WWOX: variants seen among roughly 807,000 people sequenced by gnomAD.
WWOX encodes the protein WW domain containing oxidoreductase.
WWOX carries 69 observed loss-of-function variants against 46.2 expected under a neutral mutation model. That is an observed-to-expected ratio of 1.49 (90% confidence interval 1.23 to 1.82). WWOX has a LOEUF of 1.82. Among genes scored for constraint, WWOX ranks in the 40% most tolerant of loss-of-function variants. The pLI is 0.00. For missense variants in WWOX, 919 were observed against 542.6 expected (o/e 1.69, Z -6.89); for synonymous variants, 359 against 202.6 (o/e 1.77, Z -6.56).
chr16:78,758,529 G>C (rs529410877), intron 8 of WWOX, among the ~76,000 whole-genome samples: 12 of 152,334 alleles, frequency 7.9e-5, no homozygotes, highest in Non-Finnish European at 1.5e-4. Flanking sequence ...TGCCAGTGTC[G>C]TAACGCCACT....
At chr16:79,164,601 G>C (rs544691531) in intron 8 of WWOX, among the ~76,000 whole-genome samples, 161 of 152,278 alleles carry the variant, frequency 1.1e-3, no homozygotes, top group Non-Finnish European at 1.8e-3. Context: ...ACCTCCGGCT[G>C]ACACCAAAGG....
At chr16:78,173,981 G>A (rs1246997215) in intron 5 of WWOX, among the ~76,000 whole-genome samples, 1 of 151,492 alleles carries the variant, frequency 6.6e-6, no homozygotes, top group African/African-American at 2.4e-5. Context: ...GAGAGAGGTC[G>A]CACTGTCTCA....
intron 8 of WWOX, among the ~76,000 whole-genome samples, chr16:79,030,910 C>A (rs541379065): frequency 2.4e-4 from 36 of 151,800 alleles, no homozygotes; most frequent in Admixed American, 1.9e-3. Flanking sequence ...TAGTGAGACC[C>A]CTGTCTCTAC....
At chr16:79,149,693 C>G (rs554412284) in intron 8 of WWOX, among the ~76,000 whole-genome samples, 1 of 152,330 alleles carries the variant, frequency 6.6e-6, no homozygotes, top group South Asian at 2.1e-4. Flanking sequence ...CTGTACTTCT[C>G]TCAGCTGGCA....
intron 8 of WWOX, among the ~76,000 whole-genome samples, chr16:78,725,932 C>G (rs115237045): frequency 6.6e-6 from 1 of 151,768 alleles, no homozygotes; most frequent in Non-Finnish European, 1.5e-5. Context: ...TTTCTCCTTT[C>G]CTTTTCTTTC....
At chr16:78,221,293 A>G (rs1452817816) in intron 5 of WWOX, among the ~76,000 whole-genome samples, 1 of 152,194 alleles carries the variant, frequency 6.6e-6, no homozygotes, top group Non-Finnish European at 1.5e-5. Flanking sequence ...TGTTCGTTGT[A>G]TGGAGTGGCT....
intron 8 of WWOX, among the ~76,000 whole-genome samples, chr16:78,515,361 G>C (rs143083780): frequency 3.3e-5 from 5 of 152,126 alleles, no homozygotes; most frequent in African/African-American, 1.2e-4. Context: ...CAGACTCTGC[G>C]TACAGCTAAG....
intron 8 of WWOX, among the ~76,000 whole-genome samples, chr16:79,128,099 C>T (rs4888012): frequency 6.6e-6 from 1 of 152,174 alleles, no homozygotes; most frequent in East Asian, 1.9e-4. Context: ...CCACCACCCA[C>T]TGATGTTATT....
chr16:78,829,461 C>G (rs1198865478), intron 8 of WWOX, among the ~76,000 whole-genome samples: 1 of 152,184 alleles, frequency 6.6e-6, no homozygotes, highest in East Asian at 1.9e-4. Context: ...AAAGGTTAGT[C>G]TCATGTAGAA....
At chr16:78,108,259 C>G (rs191874655) in intron 1 of WWOX, among the ~76,000 whole-genome samples, 164 bp from the exon 2 acceptor site, 1 of 151,042 alleles carries the variant, frequency 6.6e-6, no homozygotes, top group East Asian at 1.9e-4. Context: ...CAGCAAACCT[C>G]CTAAAGTTGA....
At chr16:78,673,463 G>A (rs972052820) in intron 8 of WWOX, among the ~76,000 whole-genome samples, 4 of 152,054 alleles carry the variant, frequency 2.6e-5, no homozygotes, top group Admixed American at 6.6e-5. Flanking sequence ...ACCATAACAC[G>A]AAACCCCTCT....
At chr16:78,180,149 A>T (rs1055827795) in intron 5 of WWOX, among the ~76,000 whole-genome samples, 15 of 152,190 alleles carry the variant, frequency 9.9e-5, no homozygotes, top group Non-Finnish European at 1.5e-5. Flanking sequence ...ACAGTCTATT[A>T]TGTTAAACGT....
Position 78,436,473 on chromosome 16 carries a change from C to T in WWOX, c.1056+3721C>T, listed in dbSNP as rs143569753. 4.3e-3 allele frequency among the ~76,000 whole-genome samples: 649 copies of T among 152,224 alleles called. 3 individuals carry two copies. Among genetic ancestry groups the T allele is most frequent in the Middle Eastern group, 0.014 (4 of 292 alleles). ...GGACTTTAGATAAGCATGAAGATGA[C>T]GAAGACTGTGGAATATGTAGCTAAG... On this transcript the variant is annotated intron_variant, in intron 8 of 8. Coordinates refer to ENST00000566780, the MANE Select transcript of WWOX (RefSeq NM_016373.4).
chr16:79,071,388 A>T (rs188442191), intron 8 of WWOX, among the ~76,000 whole-genome samples: 3 of 152,336 alleles, frequency 2.0e-5, no homozygotes, highest in Admixed American at 1.3e-4. Flanking sequence ...AGAGGGTGTG[A>T]AATACAGAAG....
chr16:78,790,992 C>G (rs1043933444), intron 8 of WWOX, among the ~76,000 whole-genome samples: 44 of 124,210 alleles, frequency 3.5e-4, no homozygotes, highest in African/African-American at 1.4e-3. Flanking sequence ...GCACTCCACC[C>G]TGGGTGACAG....
At position 78,354,701 on chromosome 16, in the gene WWOX, G is replaced by A. The variant is rs1479522767; in HGVS notation, c.517-32159G>A. ...TCAATGTAAGAATATTCTTAAACTAGGTAAACTGTTTTGTTTGTCATTATG... is the reference window on the plus strand; with the variant it reads ...TCAATGTAAGAATATTCTTAAACTAAGTAAACTGTTTTGTTTGTCATTATG... On this transcript the variant is annotated intron_variant, in intron 5 of 8. Transcript: ENST00000566780. 9.0e-5 allele frequency among the ~76,000 whole-genome samples: 7 copies of A among 77,558 alleles called. 1 individual carries two copies. The highest frequency in any genetic ancestry group is 3.4e-4 in the African/African-American group (6 of 17,492). 50.9% of individuals were successfully genotyped at this position (77,558 alleles called of 152,430 possible).
intron 6 of WWOX, among the ~76,000 whole-genome samples, chr16:78,394,920 C>A (rs767707749): frequency 1.4e-4 from 21 of 152,172 alleles, no homozygotes; most frequent in Admixed American, 4.6e-4. Context: ...TGGCTTTGGG[C>A]AAACTACTGA....
intron 8 of WWOX, among the ~76,000 whole-genome samples, chr16:78,457,526 A>G (rs1012326403): frequency 5.3e-5 from 8 of 152,054 alleles, no homozygotes; most frequent in African/African-American, 1.2e-4. Flanking sequence ...TTTTTCCCCA[A>G]ATGCTAAGCT....
chr16:78,642,470 T>G (rs191991000), intron 8 of WWOX, among the ~76,000 whole-genome samples: 70 of 152,298 alleles, frequency 4.6e-4, no homozygotes, highest in Non-Finnish European at 7.6e-4. Context: ...TCGACTTTAC[T>G]GAGCTCCATG....
Sources: allele counts gnomAD v4.1 joint callset (sites outside exome capture counted in the v4.1 genomes callset), GRCh38; gene constraint gnomAD v4.1.1; transcripts MANE v1.5; gene names NCBI Gene and HGNC (gene_info 2026-07-23, HGNC 2026-07-21).